The following FRMD4A variants were observed in gnomAD, a reference collection of about 807,000 sequenced individuals.
FRMD4A encodes the protein FERM domain containing 4A.
In FRMD4A, 29 loss-of-function variants were observed where a neutral mutation model predicts 129.1. That is an observed-to-expected ratio of 0.22 (90% CI 0.17 to 0.31). FRMD4A has a LOEUF of 0.31. FRMD4A is among the 10% of genes least tolerant of loss of function. FRMD4A has a pLI of 1.00. For missense variants in FRMD4A, 1,272 were observed against 1,375.8 expected (o/e 0.92, Z 1.19); for synonymous variants, 634 against 571.6 (o/e 1.11, Z -1.56).
chr10:14,278,643 C>T (rs770367419), intron 2 of FRMD4A, among the ~76,000 whole-genome samples: 2 of 152,114 alleles, frequency 1.3e-5, no homozygotes, highest in Non-Finnish European at 2.9e-5. Flanking sequence ...GGTGGTTCTA[C>T]GGGTAAGATG....
chr10:13,764,039 C>T (rs1211664505), intron 6 of FRMD4A, among the ~76,000 whole-genome samples: 2 of 152,140 alleles, frequency 1.3e-5, no homozygotes, highest in Non-Finnish European at 1.5e-5. Context: ...CCGGCCAAAA[C>T]AGCTTTATTG....
At chr10:14,145,804 A>C (rs1840045831) in intron 2 of FRMD4A, among the ~76,000 whole-genome samples, 1 of 152,144 alleles carries the variant, frequency 6.6e-6, no homozygotes, top group African/African-American at 2.4e-5. Flanking sequence ...AGAGAAACTG[A>C]CCAAAAACAC....
intron 2 of FRMD4A, among the ~76,000 whole-genome samples, chr10:13,925,565 G>GT: frequency 1.7e-5 from 1 of 59,794 alleles, no homozygotes; most frequent in Admixed American, 2.3e-4. Context: ...GTAGTGAAAC[G>GT]CTTTTTTTTT....
intron 2 of FRMD4A, among the ~76,000 whole-genome samples, chr10:14,136,721 A>G (rs762894916): frequency 4.6e-5 from 7 of 151,842 alleles, no homozygotes; most frequent in Non-Finnish European, 7.4e-5. Flanking sequence ...ACCAATGTAC[A>G]TCAATGTACA....
intron 15 of FRMD4A, among the ~76,000 whole-genome samples, chr10:13,678,642 A>G (rs2084207936): frequency 6.6e-6 from 1 of 152,246 alleles, no homozygotes; most frequent in Non-Finnish European, 1.5e-5. Context: ...TTAGAAAGAG[A>G]AATCATTGCA....
intron 2 of FRMD4A, among the ~76,000 whole-genome samples, chr10:13,860,578 A>T (rs993761559): frequency 6.6e-6 from 1 of 152,126 alleles, no homozygotes; most frequent in Non-Finnish European, 1.5e-5. Context: ...TTTCCCCTGT[A>T]TTTAGTGGCT....
chr10:14,314,704 C>G (rs1323082314), intron 2 of FRMD4A, among the ~76,000 whole-genome samples: 2 of 152,120 alleles, frequency 1.3e-5, no homozygotes, highest in Non-Finnish European at 2.9e-5. Context: ...AGCTTCCTTC[C>G]TTGAGTTTAT....
At chr10:13,946,429 G>T (rs1311087643) in intron 2 of FRMD4A, among the ~76,000 whole-genome samples, 1 of 152,172 alleles carries the variant, frequency 6.6e-6, no homozygotes, top group Admixed American at 6.5e-5. Flanking sequence ...AAAAATTCTA[G>T]GTGCTCCTAT....
At chr10:14,259,061 GTTCACTTTTATTA>G (rs1418762241) in intron 2 of FRMD4A, among the ~76,000 whole-genome samples, 2 of 152,110 alleles carry the variant, frequency 1.3e-5, no homozygotes, top group African/African-American at 2.4e-5. Context: ...CAAGGGATAT[GTTCACTTTTATTA>G]TTATAGTGAT....
chr10:13,824,301 C>A (rs1331210164), intron 3 of FRMD4A, among the ~76,000 whole-genome samples: 2 of 137,720 alleles, frequency 1.5e-5, no homozygotes, highest in South Asian at 2.5e-4. Flanking sequence ...CATGGTGAAA[C>A]CCTATCTGTA....
At chr10:14,264,694 C>G (rs553069978) in intron 2 of FRMD4A, among the ~76,000 whole-genome samples, 1 of 152,278 alleles carries the variant, frequency 6.6e-6, no homozygotes, top group Non-Finnish European at 1.5e-5. Context: ...TTGACCCTAA[C>G]TTTTGCTTCC....
At chr10:14,131,427 G>T (rs1839253071) in intron 2 of FRMD4A, among the ~76,000 whole-genome samples, 1 of 150,830 alleles carries the variant, frequency 6.6e-6, no homozygotes, top group South Asian at 2.1e-4. Context: ...GTCTCTAGGT[G>T]CTGAGTCACT....
chr10:14,162,650 T>G (rs1021544737), intron 2 of FRMD4A, among the ~76,000 whole-genome samples: 20 of 150,982 alleles, frequency 1.3e-4, no homozygotes, highest in African/African-American at 3.7e-4. Flanking sequence ...TGTTTTTTTT[T>G]TTTTTTTTTG....
chr10:14,261,758 A>G (rs574186006), intron 2 of FRMD4A, among the ~76,000 whole-genome samples: 3 of 152,142 alleles, frequency 2.0e-5, no homozygotes, highest in African/African-American at 4.8e-5. Flanking sequence ...GTCTTTGTCT[A>G]TAACCTGAGA....
intron 2 of FRMD4A, among the ~76,000 whole-genome samples, chr10:14,321,596 A>G (rs1365360832): frequency 1.3e-5 from 2 of 152,202 alleles, no homozygotes; most frequent in Non-Finnish European, 2.9e-5. Flanking sequence ...TGGTATATTA[A>G]AAAGCTAGAG....
chr10:13,861,231 C>T (rs931505814), intron 2 of FRMD4A, among the ~76,000 whole-genome samples: 4 of 152,164 alleles, frequency 2.6e-5, no homozygotes, highest in Non-Finnish European at 4.4e-5. Flanking sequence ...CCCTAACCCC[C>T]AATGTATTTG....
At chr10:13,739,310 G>A (rs1251150601) in intron 11 of FRMD4A, among the ~76,000 whole-genome samples, 4 of 152,174 alleles carry the variant, frequency 2.6e-5, no homozygotes, top group Non-Finnish European at 4.4e-5. Flanking sequence ...GCACTGCAAC[G>A]GTTTCAGAGA....
chr10:13,925,883 CT>C (rs150868660), intron 2 of FRMD4A, among the ~76,000 whole-genome samples: 9,457 of 135,446 alleles, frequency 0.07, 840 homozygotes, highest in African/African-American at 0.22. Context: ...GCACCTGGCT[CT>C]TTTTTTTTTT....
chr10:13,886,867 T>A (rs748312840), intron 2 of FRMD4A, among the ~76,000 whole-genome samples: 2 of 152,164 alleles, frequency 1.3e-5, no homozygotes, highest in Non-Finnish European at 2.9e-5. Flanking sequence ...AGCGAGTTAA[T>A]GTAGTGAGTG....
Sources: allele counts gnomAD v4.1 joint callset (sites outside exome capture counted in the v4.1 genomes callset), GRCh38; gene constraint gnomAD v4.1.1; transcripts MANE v1.5; gene names NCBI Gene and HGNC (gene_info 2026-07-23, HGNC 2026-07-21).